The following ARHGAP12 variants were observed in gnomAD, a reference collection of about 807,000 sequenced individuals.
The protein encoded by ARHGAP12 is rho GTPase-activating protein 12.
A neutral mutation model predicts 108.6 loss-of-function variants in ARHGAP12; 64 were observed. The ratio of observed to expected loss-of-function variants is 0.59; its 90% CI spans 0.48 to 0.73. The LOEUF (loss-of-function observed/expected upper bound fraction) is 0.73, where lower values mean the gene tolerates loss of function less well. Ranked by LOEUF, ARHGAP12 falls within the 30% of genes least tolerant of loss-of-function variation. ARHGAP12 has a pLI of 0.00. For synonymous variants in ARHGAP12, 312 were observed against 337.2 expected (o/e 0.93, Z 0.82); for missense variants, 940 against 1,005.9 (o/e 0.93, Z 0.89).
chr10:31,854,866 C>A (rs1383238120), intron 4 of ARHGAP12, among the ~76,000 whole-genome samples: 1 of 150,724 alleles, frequency 6.6e-6, no homozygotes. Flanking sequence ...CGGTGGCTCA[C>A]GTCTGTAATC....
At chr10:31,848,293 C>A (rs1269548848) in intron 6 of ARHGAP12, among the ~76,000 whole-genome samples, 1 of 152,172 alleles carries the variant, frequency 6.6e-6, no homozygotes, top group African/African-American at 2.4e-5. Flanking sequence ...GTCCTTTCCC[C>A]CTGTGACGGC....
At chr10:31,830,201 C>G (rs989209770) in intron 10 of ARHGAP12, among the ~76,000 whole-genome samples, 4 of 152,068 alleles carry the variant, frequency 2.6e-5, no homozygotes, top group African/African-American at 7.2e-5. Flanking sequence ...GACCAAGGCT[C>G]TTTAGAATAT....
At chr10:31,903,063 T>C (rs1660572614) in intron 3 of ARHGAP12, among the ~76,000 whole-genome samples, 1 of 152,200 alleles carries the variant, frequency 6.6e-6, no homozygotes, top group Admixed American at 6.5e-5. Flanking sequence ...AGCCTGCCAG[T>C]CCACCCTGCA....
chr10:31,841,209 T>C (rs1335910080), intron 7 of ARHGAP12, among the ~76,000 whole-genome samples: 2 of 152,072 alleles, frequency 1.3e-5, no homozygotes, highest in African/African-American at 2.4e-5. Flanking sequence ...ATACACCTTA[T>C]ACATCTATGA....
In ARHGAP12 at chr10:31,806,145, T is replaced by C. The variant is rs1834817023; in HGVS notation, c.*1513A>G. The C allele has an allele frequency of 6.6e-6, 1 of 152,208 alleles. No individual in the cohort carries two copies. The highest frequency in any genetic ancestry group is 1.5e-5 in the Non-Finnish European group (1 of 68,040). The allele number at this position is 152,208 out of a possible 1,614,324, so 9.4% of individuals were successfully genotyped here. A position where few individuals can be genotyped will look rare whatever the true frequency, so the allele number is the denominator to read the frequency against. On this transcript the variant is annotated 3_prime_UTR_variant, in exon 20 of 20. Transcript: ENST00000344936. The stretch of plus-strand genomic sequence containing the variant: ...AGTGTACGTTGTGGGTGGAGAAATG[T>C]TGGCATGGAAGAGAGGAGAAAAGGT...
At chr10:31,808,917 T>A in intron 18 of ARHGAP12, 77 bp downstream of exon 18, 1 of 1,431,816 alleles carries the variant, frequency 7.0e-7, no homozygotes, top group Admixed American at 2.2e-5. Context: ...TAAAGTAAGA[T>A]AAAAAAAATT....
intron 3 of ARHGAP12, 128 bp downstream of exon 3, chr10:31,908,044 T>C (rs2132454811): frequency 2.3e-6 from 2 of 861,446 alleles, no homozygotes; most frequent in East Asian, 5.5e-5. Flanking sequence ...TAAATCAGGA[T>C]AGAACCCATG....
At chr10:31,880,337 A>G (rs1837894622) in intron 3 of ARHGAP12, among the ~76,000 whole-genome samples, 1 of 152,174 alleles carries the variant, frequency 6.6e-6, no homozygotes, top group Non-Finnish European at 1.5e-5. Context: ...GCCCAGGTGC[A>G]ATGTCTCATG....
chr10:31,853,989 A>G, intron 5 of ARHGAP12, 77 bp downstream of exon 5: 1 of 1,407,426 alleles, frequency 7.1e-7, no homozygotes, highest in South Asian at 1.4e-5. Context: ...TCTTTTTTAA[A>G]TACTAAAACT....
intron 3 of ARHGAP12, among the ~76,000 whole-genome samples, chr10:31,886,585 G>C (rs1045009930): frequency 6.6e-6 from 1 of 152,112 alleles, no homozygotes; most frequent in African/African-American, 2.4e-5. Flanking sequence ...AATATAAAAA[G>C]TATACTGACA....
intron 11 of ARHGAP12, among the ~76,000 whole-genome samples, chr10:31,823,421 T>C (rs1010907990): frequency 2.0e-5 from 3 of 151,900 alleles, no homozygotes; most frequent in African/African-American, 4.8e-5. Flanking sequence ...TAAAGTGGAA[T>C]TGCATGCAGC....
chr10:31,865,953 T>A (rs1157363917), intron 3 of ARHGAP12, among the ~76,000 whole-genome samples: 2 of 151,714 alleles, frequency 1.3e-5, no homozygotes, highest in African/African-American at 4.8e-5. Context: ...TATGAAAGCA[T>A]ACAGAGTAAG....
chr10:31,807,902 A>C, intron 19 of ARHGAP12, 70 bp from the exon 20 acceptor site: 1 of 1,201,494 alleles, frequency 8.3e-7, no homozygotes, highest in Non-Finnish European at 1.1e-6. Context: ...ATGGTATTAT[A>C]AACCTAACAG....
intron 3 of ARHGAP12, among the ~76,000 whole-genome samples, chr10:31,882,886 T>C (rs1041299212): frequency 2.6e-5 from 4 of 151,294 alleles, no homozygotes; most frequent in Non-Finnish European, 5.9e-5. Context: ...TGAAAGCTTC[T>C]AGTAAGTGGC....
chr10:31,816,642 C>T (rs1541260), intron 13 of ARHGAP12, among the ~76,000 whole-genome samples: 78,035 of 152,010 alleles, frequency 0.51, 20,337 homozygotes, highest in African/African-American at 0.58. Context: ...GCCTACACCG[C>T]TGAATTTTAA....
At chr10:31,843,726 C>T in intron 6 of ARHGAP12, 140 bp from the exon 7 acceptor site, 2 of 945,166 alleles carry the variant, frequency 2.1e-6, no homozygotes, top group South Asian at 1.9e-5. Flanking sequence ...ATTTTCCAGC[C>T]TCAGTTTTCT....
chr10:31,806,182 A>G lies in ARHGAP12; in HGVS notation c.*1476T>C, dbSNP rs1466705350. 3 of 152,186 alleles carry G rather than the reference A, an allele frequency of 2.0e-5. No homozygotes were observed. Among genetic ancestry groups the G allele is most frequent in the African/African-American group, 4.8e-5 (2 of 41,452 alleles). 9.4% of individuals were successfully genotyped at this position (152,186 alleles called of 1,614,324 possible). A position where few individuals can be genotyped will look rare whatever the true frequency, so the allele number is the denominator to read the frequency against. ...AGAGGAGAAAAGGTATGAAATGAGG[A>G]AAGTGTTATTTGCCACAGGAAATAT... is the stretch of plus-strand genomic sequence containing the variant. On this transcript the variant is annotated 3_prime_UTR_variant, in exon 20 of 20. Coordinates refer to ENST00000344936, the MANE Select transcript of ARHGAP12 (RefSeq NM_018287.7).
intron 15 of ARHGAP12, among the ~76,000 whole-genome samples, chr10:31,811,327 C>T (rs1367893849): frequency 6.6e-6 from 1 of 152,198 alleles, no homozygotes; most frequent in Non-Finnish European, 1.5e-5. Flanking sequence ...CCGTCCATCA[C>T]GTACCAACAT....
intron 3 of ARHGAP12, among the ~76,000 whole-genome samples, chr10:31,863,368 C>A (rs1837205857): frequency 1.3e-5 from 2 of 152,158 alleles, no homozygotes; most frequent in East Asian, 3.9e-4. Flanking sequence ...ATTTATTCAA[C>A]CAATATTAAA....
Sources: gnomAD v4.1 joint callset for allele counts (sites outside exome capture counted in the v4.1 genomes callset) on GRCh38, gnomAD v4.1.1 for gene constraint, MANE v1.5 for transcripts, NCBI Gene and HGNC (gene_info 2026-07-23, HGNC 2026-07-21) for gene names.